The following SMC4 variants were observed in gnomAD, a reference collection of about 807,000 sequenced individuals.
The protein encoded by SMC4 is structural maintenance of chromosomes 4.
SMC4 carries 87 observed loss-of-function variants against 145.6 expected under a neutral mutation model. The observed-to-expected ratio is 0.60, with a 90% CI of 0.50 to 0.71. SMC4 has a LOEUF of 0.71. SMC4 is among the 30% of genes least tolerant of loss of function. The probability of loss-of-function intolerance (pLI) is 0.00; values close to 1 mark genes in which losing one functional copy is unlikely to be tolerated. For synonymous variants in SMC4, 558 were observed against 500.7 expected (o/e 1.11, Z -1.53); for missense variants, 1,447 against 1,537.1 (o/e 0.94, Z 0.98).
At chr3:160,430,563 T>C in intron 18 of SMC4, 36 bp from the exon 19 acceptor site, 1 of 1,511,026 alleles carries the variant, frequency 6.6e-7, no homozygotes, top group South Asian at 1.3e-5. Flanking sequence ...ACAAATCACC[T>C]TACCACATTT....
chr3:160,434,001 A>G lies in SMC4; in HGVS notation c.*192A>G. The stretch of plus-strand genomic sequence containing the variant: ...ATTGCTTCTAGATTACAAAAATATG[A>G]CAATCTTGTAAGTAGCAGACTATGG... On this transcript the variant is annotated 3_prime_UTR_variant, in exon 24 of 24. Coordinates refer to ENST00000357388, the MANE Select transcript of SMC4 (RefSeq NM_001002800.3). 4.6e-6 allele frequency: 2 copies of G among 434,468 alleles called. No individual in the cohort carries two copies. Among genetic ancestry groups the G allele is most frequent in the Non-Finnish European group, 8.1e-6 (2 of 246,744 alleles). The allele number at this position is 434,468 out of a possible 1,614,324, so 26.9% of individuals were successfully genotyped here.
At chr3:160,405,319 G>GAAAA (rs34753335) in intron 5 of SMC4, among the ~76,000 whole-genome samples, 1 of 148,154 alleles carries the variant, frequency 6.7e-6, no homozygotes, top group Non-Finnish European at 1.5e-5. Context: ...GAATTTTTCG[G>GAAAA]AAAAAAAAAA....
At chr3:160,424,298 G>C (rs1474811620) in intron 15 of SMC4, among the ~76,000 whole-genome samples, 1 of 151,968 alleles carries the variant, frequency 6.6e-6, no homozygotes, top group Non-Finnish European at 1.5e-5. Flanking sequence ...CCAAAGTGTT[G>C]TGCTTTGATT....
rs767084010 is a variant in SMC4, at chr3:160,414,257, C to T, written c.1122-110C>T. ...AATAAGGAGAGTTTTAGGATCCTGCCTTATTAAGAGCCTGGACATATTTAT... is the reference window on the plus strand; with the variant it reads ...AATAAGGAGAGTTTTAGGATCCTGCTTTATTAAGAGCCTGGACATATTTAT... On this transcript the variant is annotated intron_variant, in intron 8 of 23. Transcript: ENST00000357388. The T allele has an allele frequency of 1.4e-5, 13 of 896,972 alleles. No homozygotes were observed. The African/African-American group carries it at 2.0e-4, about 14-fold the overall frequency. 55.6% of individuals were successfully genotyped at this position (896,972 alleles called of 1,614,324 possible). A position where few individuals can be genotyped will look rare whatever the true frequency, so the allele number is the denominator to read the frequency against.
At chr3:160,428,054 G>T (rs1326619960) in intron 17 of SMC4, among the ~76,000 whole-genome samples, 2 of 152,218 alleles carry the variant, frequency 1.3e-5, no homozygotes, top group African/African-American at 4.8e-5. Context: ...GATGGAGGTT[G>T]CAGTGAGCTG....
At position 160,420,128 on chromosome 3, in the gene SMC4, G is replaced by A. The variant is rs532945953; in HGVS notation, c.1857+585G>A. On this transcript the variant is annotated intron_variant, in intron 12 of 23. Transcript: ENST00000357388. ...TGGTCCAGAGGAGATGGGGAAAATGGATACCTTAACCCCACCTATTTCCTG... is the reference window on the plus strand; with the variant it reads ...TGGTCCAGAGGAGATGGGGAAAATGAATACCTTAACCCCACCTATTTCCTG... 1.4e-3 allele frequency among the ~76,000 whole-genome samples: 206 copies of A among 152,258 alleles called. 1 individual carries two copies. The highest frequency in any genetic ancestry group is 4.5e-3 in the African/African-American group (188 of 41,528).
At chr3:160,414,332 C>G in intron 8 of SMC4, 35 bp from the exon 9 acceptor site, 1 of 1,540,378 alleles carries the variant, frequency 6.5e-7, no homozygotes, top group Non-Finnish European at 9.0e-7. Context: ...TGTGCACATT[C>G]AAAATAATGA....
At chr3:160,418,040 A>G in intron 11 of SMC4, 84 bp downstream of exon 11, 1 of 1,048,932 alleles carries the variant, frequency 9.5e-7, no homozygotes, top group Admixed American at 2.6e-5. Flanking sequence ...TCCGCGTCAG[A>G]GGTGACTAGT....
chr3:160,402,896 T>G, intron 4 of SMC4, 29 bp downstream of exon 4: 2 of 1,481,284 alleles, frequency 1.4e-6, no homozygotes, highest in Non-Finnish European at 1.8e-6. Context: ...TATTGGCAAG[T>G]TCAAGTAAGG....
At chr3:160,402,530 G>C in intron 3 of SMC4, 146 bp from the exon 4 acceptor site, 1 of 718,708 alleles carries the variant, frequency 1.4e-6, no homozygotes, top group Non-Finnish European at 2.2e-6. Context: ...AACTCAAGTC[G>C]TATGCCTGTG....
intron 17 of SMC4, 79 bp from the exon 18 acceptor site, chr3:160,428,674 A>G (rs1718056559): frequency 1.5e-6 from 2 of 1,340,162 alleles, no homozygotes; most frequent in African/African-American, 1.5e-5. Context: ...AAGTCATAGC[A>G]ACTGAAGAAA....
At chr3:160,418,709 G>A (rs1021948875) in intron 11 of SMC4, among the ~76,000 whole-genome samples, 1 of 152,152 alleles carries the variant, frequency 6.6e-6, no homozygotes, top group African/African-American at 2.4e-5. Flanking sequence ...TAAACTTTAT[G>A]CCAGTACAGT....
At chr3:160,422,258 T>C (rs1307813198) in intron 13 of SMC4, among the ~76,000 whole-genome samples, 1 of 152,236 alleles carries the variant, frequency 6.6e-6, no homozygotes, top group Non-Finnish European at 1.5e-5. Flanking sequence ...ATTCTATGTT[T>C]AACTTTTTGA....
chr3:160,431,180 C>A lies in SMC4; in HGVS notation c.3089C>A (p.Ser1030Tyr). ...GATGGTCACATTGCTGAACATAATT[C>A]TAAAATAAAATATTGGCACAAAGAG... ...QIDGHIAEHNSKIKYWHKEIS... is the reference protein window; with the variant it reads ...QIDGHIAEHNYKIKYWHKEIS... Residue 1030 changes from serine to tyrosine, a missense_variant, in exon 20 of 24, where the codon TCT becomes TAT. Ser to Tyr is a moderately radical substitution (Grantham distance 144). Transcript: ENST00000357388. 6.3e-7 allele frequency: 1 copy of A among 1,579,776 alleles called. No individual in the cohort carries two copies.
At chr3:160,418,070 G>C in intron 11 of SMC4, 114 bp downstream of exon 11, 1 of 808,868 alleles carries the variant, frequency 1.2e-6, no homozygotes, top group South Asian at 1.6e-5. Flanking sequence ...TCTTCATTTT[G>C]TATAATCTCA....
At chr3:160,417,350 A>AT (rs1443755818) in intron 10 of SMC4, among the ~76,000 whole-genome samples, 2 of 152,212 alleles carry the variant, frequency 1.3e-5, no homozygotes, top group African/African-American at 4.8e-5. Context: ...TCAATGGATA[A>AT]TGCAGTAGCT....
chr3:160,412,675 AACATAGCAAG>A, intron 7 of SMC4: 1 of 914,998 alleles, frequency 1.1e-6, no homozygotes, highest in Non-Finnish European at 1.4e-6. Context: ...CAGCCTGGGC[AACATAGCAAG>A]ACCCCATCTC....
chr3:160,421,623 A>G (rs889044116), intron 13 of SMC4, among the ~76,000 whole-genome samples: 1 of 152,150 alleles, frequency 6.6e-6, no homozygotes. Flanking sequence ...AGGCGCCTGT[A>G]ATCTCAGCTA....
chr3:160,419,515 G>T lies in SMC4; in HGVS notation c.1829G>T (p.Gly610Val). Residue 610 changes from glycine (G) to valine (V), a missense_variant, in exon 12 of 24, where the codon GGC becomes GTC. Coordinates refer to ENST00000357388, the MANE Select transcript of SMC4 (RefSeq NM_001002800.3). ...LDAIIQEKKS[G>V]RIPGIYGRLG... ...GCAATAATTCAAGAAAAAAAATCTGGCAGGATTCCAGGAATATATGGAAGA... is the reference window on the plus strand; with the variant it reads ...GCAATAATTCAAGAAAAAAAATCTGTCAGGATTCCAGGAATATATGGAAGA... 7.5e-6 allele frequency: 12 copies of T among 1,603,966 alleles called. No homozygotes were observed. The highest frequency in any genetic ancestry group is 1.0e-5 in the Non-Finnish European group (12 of 1,177,664).
Sources: gnomAD v4.1 joint callset for allele counts (sites outside exome capture counted in the v4.1 genomes callset) on GRCh38, gnomAD v4.1.1 for gene constraint, MANE v1.5 for transcripts, NCBI Gene and HGNC (gene_info 2026-07-23, HGNC 2026-07-21) for gene names.